The following OCIAD1 variants were observed in gnomAD, a reference collection of about 807,000 sequenced individuals.
The protein encoded by OCIAD1 is OCIA domain containing 1.
OCIAD1 carries 29 observed loss-of-function variants against 38.9 expected under a neutral mutation model. That is an observed-to-expected ratio of 0.74 (90% CI 0.55 to 1.02). The LOEUF (loss-of-function observed/expected upper bound fraction) is 1.02. OCIAD1 is among the 50% of genes least tolerant of loss of function. The probability of loss-of-function intolerance (pLI) is 0.00; values close to 1 mark genes in which losing one functional copy is unlikely to be tolerated. For synonymous variants in OCIAD1, 110 were observed against 92.0 expected (o/e 1.20, Z -1.12); for missense variants, 288 against 289.6 (o/e 0.99, Z 0.04).
intron 3 of OCIAD1, among the ~76,000 whole-genome samples, chr4:48,840,747 A>C (rs1479119856): frequency 6.6e-6 from 1 of 151,918 alleles, no homozygotes; most frequent in Non-Finnish European, 1.5e-5. Flanking sequence ...CTGTAATCCC[A>C]GCACTTTGGG....
At chr4:48,825,867 T>C (rs1329757234) in intron 1 of OCIAD1, among the ~76,000 whole-genome samples, 1 of 148,666 alleles carries the variant, frequency 6.7e-6, no homozygotes, top group Non-Finnish European at 1.5e-5. Flanking sequence ...TACAAGAGCC[T>C]CACTCTGTTG....
At chr4:48,810,468 CAAAAAAA>C (rs749988114) in intron 1 of OCIAD1, among the ~76,000 whole-genome samples, 1 of 42,326 alleles carries the variant, frequency 2.4e-5, no homozygotes, top group African/African-American at 9.0e-5. Flanking sequence ...GACTCCATCT[CAAAAAAA>C]AAAAAAAAAA....
At chr4:48,810,874 T>A (rs1777080656) in intron 1 of OCIAD1, among the ~76,000 whole-genome samples, 1 of 143,566 alleles carries the variant, frequency 7.0e-6, no homozygotes, top group Non-Finnish European at 1.5e-5. Flanking sequence ...GTTGCAATTT[T>A]CTTTTTTCTT....
intron 3 of OCIAD1, among the ~76,000 whole-genome samples, chr4:48,841,194 A>G (rs1240831277): frequency 6.6e-6 from 1 of 152,172 alleles, no homozygotes; most frequent in East Asian, 1.9e-4. Flanking sequence ...GCAATTGAGT[A>G]ACTGGGACAG....
intron 4 of OCIAD1, among the ~76,000 whole-genome samples, chr4:48,845,861 G>A (rs962513395): frequency 2.0e-5 from 3 of 152,154 alleles, no homozygotes; most frequent in African/African-American, 7.2e-5. Context: ...CATCTGTACT[G>A]CCAGCATAAT....
chr4:48,807,104 G>A (rs1448809152), intron 1 of OCIAD1, among the ~76,000 whole-genome samples: 5 of 151,958 alleles, frequency 3.3e-5, no homozygotes, highest in African/African-American at 2.4e-5. Context: ...ACAGAGTCTC[G>A]ATATGTTACC....
intron 1 of OCIAD1, among the ~76,000 whole-genome samples, chr4:48,811,477 C>T (rs1241113795): frequency 6.6e-6 from 1 of 152,206 alleles, no homozygotes; most frequent in East Asian, 1.9e-4. Flanking sequence ...AGCAGCACTG[C>T]TCTTGCATTT....
chr4:48,832,624 G>C lies in OCIAD1; in HGVS notation c.-1G>C, dbSNP rs1290354571. On this transcript the variant is annotated 5_prime_UTR_variant, in exon 2 of 9. Coordinates refer to ENST00000264312, the MANE Select transcript of OCIAD1 (RefSeq NM_017830.4). ...TATGTAATGTTTTTGATACAGGAAA[G>C]ATGAATGGGAGGGCTGATTTTCGAG... The C allele has an allele frequency of 1.2e-6, 2 of 1,612,000 alleles. No individual in the cohort carries two copies. The highest frequency in any genetic ancestry group is 1.7e-5 in the Admixed American group (1 of 59,992).
At position 48,817,650 on chromosome 4, in the gene OCIAD1, T is replaced by C. The variant is rs575348908; in HGVS notation, c.-103+12320T>C. Reference sequence around the variant, plus strand: ...TCTAGCTCAGTGGGTTCCACTTCCATGGAGCCGAGCAAGCTAAGAACCACT... The same window carrying C: ...TCTAGCTCAGTGGGTTCCACTTCCACGGAGCCGAGCAAGCTAAGAACCACT... On this transcript the variant is annotated intron_variant, in intron 1 of 6. Transcript: ENST00000504654. Among the ~76,000 whole-genome samples the C allele has an allele frequency of 3.9e-5, 6 of 152,342 alleles. 1 individual carries two copies. The highest frequency in any genetic ancestry group is 1.4e-4 in the African/African-American group (6 of 41,578).
intron 3 of OCIAD1, among the ~76,000 whole-genome samples, chr4:48,841,110 A>C (rs893526360): frequency 6.6e-6 from 1 of 152,206 alleles, no homozygotes; most frequent in Admixed American, 6.5e-5. Flanking sequence ...TTGCATCTAA[A>C]AATAAAGTTT....
chr4:48,839,863 T>C (rs1005045054), intron 3 of OCIAD1, among the ~76,000 whole-genome samples: 3 of 152,158 alleles, frequency 2.0e-5, no homozygotes, highest in Admixed American at 2.0e-4. Flanking sequence ...TTTAACAAAA[T>C]AGATATTACA....
chr4:48,839,013 TGTTAAAATA>T (rs997687001), intron 3 of OCIAD1, among the ~76,000 whole-genome samples: 1 of 152,218 alleles, frequency 6.6e-6, no homozygotes, highest in African/African-American at 2.4e-5. Flanking sequence ...TGCATATTCA[TGTTAAAATA>T]GTTCTCAAAC....
intron 1 of OCIAD1, among the ~76,000 whole-genome samples, chr4:48,822,774 C>G (rs1228224671): frequency 1.3e-5 from 2 of 152,080 alleles, no homozygotes; most frequent in African/African-American, 2.4e-5. Flanking sequence ...ATGTGGCCAA[C>G]AAACATATAA....
chr4:48,833,392 G>C lies in OCIAD1; in HGVS notation c.59-9G>C, dbSNP rs1257379739. On this transcript the variant is annotated splice_polypyrimidine_tract_variant and intron_variant, in intron 2 of 8. Coordinates refer to ENST00000264312, the MANE Select transcript of OCIAD1 (RefSeq NM_017830.4). ...AATTTAATGTTTTCTGATTTTCCCT[G>C]GTAAAAAGACATAGGGCCTGATTAC... 1 of 1,525,560 alleles carries C rather than the reference G, an allele frequency of 6.6e-7. No homozygotes were observed. The allele number at this position is 1,525,560 out of a possible 1,614,324, so 94.5% of individuals were successfully genotyped here. A position where few individuals can be genotyped will look rare whatever the true frequency, so the allele number is the denominator to read the frequency against.
chr4:48,823,180 C>T (rs188883251), intron 1 of OCIAD1, among the ~76,000 whole-genome samples: 34 of 152,124 alleles, frequency 2.2e-4, no homozygotes, highest in African/African-American at 5.8e-4. Context: ...GAAAATGTGG[C>T]GCATACATAC....
chr4:48,856,268 G>A (rs1780037270), intron 7 of OCIAD1: 1 of 152,090 alleles, frequency 6.6e-6, no homozygotes, highest in South Asian at 2.1e-4. Flanking sequence ...TTAGTTCCCA[G>A]GCCAAAATAA....
At chr4:48,839,819 G>A (rs542447746) in intron 3 of OCIAD1, among the ~76,000 whole-genome samples, 12 of 152,158 alleles carry the variant, frequency 7.9e-5, no homozygotes, top group Non-Finnish European at 1.6e-4. Flanking sequence ...GTTTTGGTCA[G>A]CAGTATTACT....
intron 2 of OCIAD1, chr4:48,832,884 C>T (rs1347326686): frequency 3.6e-6 from 2 of 559,496 alleles, no homozygotes. Flanking sequence ...TTGCACTGGG[C>T]CCAGCACATT....
At chr4:48,847,407 A>C (rs2109573206) in intron 4 of OCIAD1, among the ~76,000 whole-genome samples, 1 of 152,224 alleles carries the variant, frequency 6.6e-6, no homozygotes, top group African/African-American at 2.4e-5. Context: ...TGTAGTTTTC[A>C]GTGTTAATAG....
Sources: allele counts gnomAD v4.1 joint callset (sites outside exome capture counted in the v4.1 genomes callset), GRCh38; gene constraint gnomAD v4.1.1; transcripts MANE v1.5; gene names NCBI Gene and HGNC (gene_info 2026-07-23, HGNC 2026-07-21).